Variants in PEX7 observed in about 807,000 individuals in gnomAD.
The protein encoded by PEX7 is peroxisomal biogenesis factor 7.
Under a neutral mutation model 47.5 loss-of-function variants are expected in PEX7, and 34 were observed. The observed-to-expected ratio is 0.72, with a 90% CI of 0.54 to 0.95. The LOEUF (loss-of-function observed/expected upper bound fraction) is 0.95. PEX7 is among the 40% of genes least tolerant of loss of function. The pLI, the probability that PEX7 is intolerant of heterozygous loss-of-function variation, is 0.00. For synonymous variants in PEX7, 141 were observed against 148.8 expected (o/e 0.95, Z 0.38); for missense variants, 394 against 400.3 (o/e 0.98, Z 0.13).
At chr6:136,843,142 C>T (rs1377786445) in intron 3 of PEX7, among the ~76,000 whole-genome samples, 1 of 152,196 alleles carries the variant, frequency 6.6e-6, no homozygotes, top group Non-Finnish European at 1.5e-5. Flanking sequence ...AAAGTGGACT[C>T]TGCAATTAGG....
At chr6:136,894,544 C>T (rs951959749) in intron 8 of PEX7, among the ~76,000 whole-genome samples, 24 of 151,954 alleles carry the variant, frequency 1.6e-4, no homozygotes, top group Non-Finnish European at 3.1e-4. Flanking sequence ...GAGCCGAGAT[C>T]GCGCCACTGC....
In PEX7 at chr6:136,895,790, G is replaced by C. The variant is rs868483894; in HGVS notation, c.804-2352G>C. On this transcript the variant is annotated intron_variant, in intron 8 of 9. Coordinates refer to ENST00000318471, the MANE Select transcript of PEX7 (RefSeq NM_000288.4). Reference sequence around the variant, plus strand: ...AAATGGTATAATGAAGTGTCTTTATGCCATTCAGTAGACTAACCCTCCCTT... The same window carrying C: ...AAATGGTATAATGAAGTGTCTTTATCCCATTCAGTAGACTAACCCTCCCTT... 1.7e-4 allele frequency among the ~76,000 whole-genome samples: 26 copies of C among 152,274 alleles called. No individual in the cohort carries two copies. In the South Asian group the frequency reaches 5.4e-3, roughly 32 times the overall value.
chr6:136,823,195 C>CA (rs1416008809), intron 1 of PEX7: 12 of 985,258 alleles, frequency 1.2e-5, no homozygotes, highest in Non-Finnish European at 1.3e-5. Context: ...AGAACCGACC[C>CA]AGGGCTCGCG....
At chr6:136,848,664 G>A (rs943274877) in intron 5 of PEX7, among the ~76,000 whole-genome samples, 3 of 151,984 alleles carry the variant, frequency 2.0e-5, no homozygotes, top group South Asian at 2.1e-4. Context: ...ATTGATTTGT[G>A]TATGTTGAAC....
intron 8 of PEX7, among the ~76,000 whole-genome samples, chr6:136,872,532 A>G (rs1775201793): frequency 6.6e-6 from 1 of 152,162 alleles, no homozygotes; most frequent in African/African-American, 2.4e-5. Context: ...CCTACACTAT[A>G]GATGGCATAG....
intron 8 of PEX7, among the ~76,000 whole-genome samples, chr6:136,893,138 A>G (rs1775585566): frequency 6.6e-6 from 1 of 152,218 alleles, no homozygotes; most frequent in Admixed American, 6.5e-5. Context: ...AATGTTTTAA[A>G]ATAAGGCAAA....
At chr6:136,894,714 A>G (rs1439766663) in intron 8 of PEX7, among the ~76,000 whole-genome samples, 1 of 152,242 alleles carries the variant, frequency 6.6e-6, no homozygotes, top group African/African-American at 2.4e-5. Context: ...ACATTATATT[A>G]TGATATACAA....
rs906282533 is a variant in PEX7 at position 136,876,077 on chromosome 6, G to A, written c.803+3824G>A. Among the ~76,000 whole-genome samples, 12 of 147,716 alleles carry A rather than the reference G, an allele frequency of 8.1e-5. No individual in the cohort carries two copies. The East Asian group carries it at 1.4e-3, about 17-fold the overall frequency. ...TTTTGAGACAGAGTCTGGCTCTGTC[G>A]CCCAGGCTGGAGTGCAGTGGCACAA... is the stretch of plus-strand genomic sequence containing the variant. On this transcript the variant is annotated intron_variant, in intron 8 of 9. Coordinates refer to ENST00000318471, the MANE Select transcript of PEX7 (RefSeq NM_000288.4).
At chr6:136,893,543 G>A (rs770104002) in intron 8 of PEX7, among the ~76,000 whole-genome samples, 3 of 152,186 alleles carry the variant, frequency 2.0e-5, no homozygotes, top group Non-Finnish European at 4.4e-5. Flanking sequence ...ACTATGAGCC[G>A]CACAGGAGGG....
intron 8 of PEX7, among the ~76,000 whole-genome samples, chr6:136,893,454 T>C (rs575613071): frequency 1.3e-5 from 2 of 152,216 alleles, no homozygotes; most frequent in Non-Finnish European, 2.9e-5. Context: ...CATCCTGCAT[T>C]GTCTTTTGGG....
Position 136,829,973 on chromosome 6 carries a change from C to T in PEX7, c.339+3504C>T, listed in dbSNP as rs977058724. On this transcript the variant is annotated intron_variant, in intron 3 of 9. Coordinates refer to ENST00000318471, the MANE Select transcript of PEX7 (RefSeq NM_000288.4). ...ATTAAAAAAAAAAGTTGATAATGAA[C>T]ATAGCCAATTTCTGTTTTTTTTTTT... is the stretch of plus-strand genomic sequence containing the variant. 12 of 697,816 alleles carry T rather than the reference C, an allele frequency of 1.7e-5. No individual in the cohort carries two copies. In the African/African-American group the frequency reaches 1.8e-4, roughly 10 times the overall value. The allele number at this position is 697,816 out of a possible 1,614,324, so 43.2% of individuals were successfully genotyped here. A position where few individuals can be genotyped will look rare whatever the true frequency, so the allele number is the denominator to read the frequency against.
intron 3 of PEX7, among the ~76,000 whole-genome samples, chr6:136,835,814 C>T (rs969782078): frequency 1.3e-5 from 2 of 152,012 alleles, no homozygotes; most frequent in Non-Finnish European, 2.9e-5. Flanking sequence ...ATAAAAGGAG[C>T]GATTTGATTT....
At chr6:136,881,280 C>T (rs951027402) in intron 8 of PEX7, among the ~76,000 whole-genome samples, 5 of 152,154 alleles carry the variant, frequency 3.3e-5, no homozygotes, top group East Asian at 3.9e-4. Context: ...GGGCTTTCAA[C>T]AAGGTGTGAA....
At chr6:136,843,605 T>TA (rs1774542400) in intron 3 of PEX7, among the ~76,000 whole-genome samples, 1 of 152,236 alleles carries the variant, frequency 6.6e-6, no homozygotes, top group South Asian at 2.1e-4. Context: ...TGAAGAAACT[T>TA]ACCATTTACT....
chr6:136,895,722 A>G (rs1562756059), intron 8 of PEX7, among the ~76,000 whole-genome samples: 1 of 152,204 alleles, frequency 6.6e-6, no homozygotes, highest in African/African-American at 2.4e-5. Context: ...AGGCACCATA[A>G]TGTATACACT....
chr6:136,831,943 G>A (rs1362841691), intron 3 of PEX7, among the ~76,000 whole-genome samples: 2 of 152,208 alleles, frequency 1.3e-5, no homozygotes, highest in Non-Finnish European at 2.9e-5. Context: ...AGCTGTCAGT[G>A]AATCTACCTT....
intron 8 of PEX7, among the ~76,000 whole-genome samples, chr6:136,887,971 C>G (rs1463161582): frequency 2.0e-5 from 3 of 151,536 alleles, no homozygotes; most frequent in African/African-American, 7.3e-5. Flanking sequence ...TGGGATTTGC[C>G]CTTATCTAGT....
At position 136,900,699 on chromosome 6, in the gene PEX7, A is replaced by C; in HGVS notation, c.903+2458A>C. ...GCTTGATGGGATCCACGTCATGTGC[A>C]GTCACCGCCAGCTGAGCCTTCTTCT... On this transcript the variant is annotated intron_variant, in intron 9 of 9. Transcript: ENST00000318471. This position sits in a 1 kb window ranked among gnomAD's most constrained non-coding sequence, Gnocchi z 4.2. 2.9e-6 allele frequency: 1 copy of C among 344,866 alleles called. No homozygotes were observed. The highest frequency in any genetic ancestry group is 3.7e-5 in the Admixed American group (1 of 27,214). The allele number at this position is 344,866 out of a possible 1,614,324, so 21.4% of individuals were successfully genotyped here.
rs75925574 is a variant in PEX7, at chr6:136,898,096, T to G, written c.804-46T>G. On this transcript the variant is annotated intron_variant, in intron 8 of 9. Coordinates refer to ENST00000318471, the MANE Select transcript of PEX7 (RefSeq NM_000288.4). ...CTATTTTTTCTTAATATAAGTTTTT[T>G]GGTAGTTTTAGCATTTAAATTATTC... The G allele has an allele frequency of 2.6e-4, 291 of 1,110,508 alleles. 1 individual carries two copies. The East Asian group carries it at 6.4e-3, about 24-fold the overall frequency. The allele number at this position is 1,110,508 out of a possible 1,614,324, so 68.8% of individuals were successfully genotyped here.
Sources: gnomAD v4.1 joint callset for allele counts (sites outside exome capture counted in the v4.1 genomes callset) on GRCh38, gnomAD v4.1.1 for gene constraint, Gnocchi (gnomAD v3.1) non-coding constraint, MANE v1.5 for transcripts, NCBI Gene and HGNC (gene_info 2026-07-23, HGNC 2026-07-21) for gene names.